Variants in UFSP2 observed in about 807,000 individuals in gnomAD.
UFSP2 encodes the protein ufm1-specific protease 2.
A neutral mutation model predicts 60.2 loss-of-function variants in UFSP2; 43 were observed. The observed-to-expected ratio is 0.71, with a 90% CI of 0.56 to 0.92. The LOEUF is 0.92. Among genes scored for constraint, UFSP2 ranks in the 40% least tolerant of loss-of-function variants. The pLI is 0.00. For missense variants in UFSP2, 520 were observed against 575.0 expected, an observed-to-expected ratio of 0.90 and a Z score of 0.98; for synonymous variants, 183 against 195.1, an observed-to-expected ratio of 0.94 and a Z score of 0.52.
intron 7 of UFSP2, among the ~76,000 whole-genome samples, chr4:185,409,604 T>G (rs891800801): frequency 6.6e-6 from 1 of 152,164 alleles, no homozygotes; most frequent in Admixed American, 6.5e-5. Flanking sequence ...ATAGAAAAAT[T>G]TATAACTTGA....
At position 185,400,479 on chromosome 4, in the gene UFSP2, C is replaced by A. The variant is rs990928885; in HGVS notation, c.1324-1G>T. ...CTGGGCCCTTCCATCCGCACCAGCC[C>A]TGGATAGAGAAGACGGGAAAGGAAA... is the stretch of plus-strand genomic sequence containing the variant. On this transcript the variant is annotated splice_acceptor_variant, in intron 11 of 11. Coordinates refer to ENST00000264689, the MANE Select transcript of UFSP2 (RefSeq NM_018359.5). LOFTEE classifies it high-confidence loss of function. 2.6e-5 allele frequency: 42 copies of A among 1,611,204 alleles called. No homozygotes were observed. Among genetic ancestry groups the A allele is most frequent in the Non-Finnish European group, 3.6e-5 (42 of 1,178,220 alleles).
intron 6 of UFSP2, among the ~76,000 whole-genome samples, chr4:185,414,684 T>C (rs1278621287): frequency 2.6e-5 from 4 of 152,236 alleles, no homozygotes; most frequent in African/African-American, 9.6e-5. Context: ...ATGCTGGTCA[T>C]GTTTTCTCCA....
At chr4:185,420,525 C>T (rs542761652) in intron 2 of UFSP2, among the ~76,000 whole-genome samples, 1 of 152,148 alleles carries the variant, frequency 6.6e-6, no homozygotes, top group African/African-American at 2.4e-5. Flanking sequence ...AAACAACGAC[C>T]ATACTGGTAT....
intron 4 of UFSP2, 132 bp downstream of exon 4, chr4:185,418,309 G>C (rs2095542945): frequency 1.5e-6 from 1 of 647,152 alleles, no homozygotes; most frequent in South Asian, 2.8e-5. Context: ...CTTTTGGCAA[G>C]TCATTTAATC....
chr4:185,403,028 T>C (rs1279914112), intron 11 of UFSP2, among the ~76,000 whole-genome samples: 2 of 152,234 alleles, frequency 1.3e-5, no homozygotes, highest in African/African-American at 2.4e-5. Context: ...CTTAAATATG[T>C]ATCAACTTCA....
At position 185,418,727 on chromosome 4, in the gene UFSP2, C is replaced by T; in HGVS notation, c.126G>A (p.Leu42=). The T allele has an allele frequency of 6.2e-7, 1 of 1,612,696 alleles. No homozygotes were observed. The highest frequency in any genetic ancestry group is 2.2e-5 in the East Asian group (1 of 44,838). ...KKALKHVLSD[L]STKLSSNALV... ...GGGCGTTTGAAGACAGCTTAGTTGA[C>T]AGGTCACTCAACACATGTTTCAGTG... The change falls in exon 3 of 12, where the codon CTG becomes CTA. Residue 42 remains leucine (L), a synonymous_variant. Coordinates refer to ENST00000264689, the MANE Select transcript of UFSP2 (RefSeq NM_018359.5).
chr4:185,417,398 A>G (rs541175150), intron 4 of UFSP2, among the ~76,000 whole-genome samples: 1 of 152,350 alleles, frequency 6.6e-6, no homozygotes, highest in South Asian at 2.1e-4. Context: ...GAGGTCTTAA[A>G]CATGGCCCAA....
intron 4 of UFSP2, among the ~76,000 whole-genome samples, chr4:185,416,600 CGT>C (rs79672861): frequency 0.051 from 7,805 of 152,070 alleles, 246 homozygotes; most frequent in South Asian, 0.088. Flanking sequence ...TAAAAATGAA[CGT>C]GTTATGTGTG....
chr4:185,401,531 G>A (rs1391277451), intron 11 of UFSP2, among the ~76,000 whole-genome samples: 1 of 152,136 alleles, frequency 6.6e-6, no homozygotes, highest in Non-Finnish European at 1.5e-5. Flanking sequence ...TAGTGCATAG[G>A]ACATGCTTCT....
Position 185,418,921 on chromosome 4 carries a change from A to C in UFSP2, c.83-151T>G, listed in dbSNP as rs1018830770. The stretch of plus-strand genomic sequence containing the variant: ...TTCAAAATTTTTTGCCTATCTTTTT[A>C]AAAAAGTCTGTGAGACAAAATTCAC... On this transcript the variant is annotated intron_variant, in intron 2 of 11. Transcript: ENST00000264689. 6.4e-6 allele frequency: 4 copies of C among 625,910 alleles called. No homozygotes were observed. The South Asian group carries it at 1.1e-4, about 18-fold the overall frequency. 38.8% of individuals were successfully genotyped at this position (625,910 alleles called of 1,614,324 possible). A position where few individuals can be genotyped will look rare whatever the true frequency, so the allele number is the denominator to read the frequency against.
At chr4:185,416,298 T>C (rs769502567) in intron 4 of UFSP2, among the ~76,000 whole-genome samples, 3 of 152,236 alleles carry the variant, frequency 2.0e-5, no homozygotes, top group Non-Finnish European at 4.4e-5. Context: ...TCTCCACTTT[T>C]GTACTGATTT....
Position 185,413,869 on chromosome 4 carries a change from ACTC to A in UFSP2, c.685_687del (p.Glu229del). On this transcript the variant is annotated inframe_deletion and splice_region_variant, in exon 7 of 12. Transcript: ENST00000264689. ...TGAGGCAGATTGAAAAGATCATGTA[ACTC>A]CTAAAATAAATCAGAATCAACAGAA... 6.3e-7 allele frequency: 1 copy of A among 1,598,048 alleles called. No homozygotes were observed. Among genetic ancestry groups the A allele is most frequent in the Middle Eastern group, 1.7e-4 (1 of 5,980 alleles).
Position 185,408,020 on chromosome 4 carries a change from C to G in UFSP2, c.1037G>C (p.Gly346Ala). 1 of 1,613,994 alleles carries G rather than the reference C, an allele frequency of 6.2e-7. No individual in the cohort carries two copies. Among genetic ancestry groups the G allele is most frequent in the Non-Finnish European group, 8.5e-7 (1 of 1,179,864 alleles). ...AATAGATCCAATCCATTGCCGCGAT[C>G]CGACAAATGTTGCTGGTTTGTCCCC... ...DAGDKPATFVGSRQWIGSIEV... is the reference protein window; with the variant it reads ...DAGDKPATFVASRQWIGSIEV... Residue 346 changes from glycine to alanine, a missense_variant, in exon 9 of 12, where the codon GGA becomes GCA. Coordinates refer to ENST00000264689, the MANE Select transcript of UFSP2 (RefSeq NM_018359.5).
At chr4:185,404,148 T>G (rs953677581) in intron 10 of UFSP2, among the ~76,000 whole-genome samples, 4 of 151,978 alleles carry the variant, frequency 2.6e-5, no homozygotes, top group African/African-American at 9.7e-5. Context: ...ATATTCTACA[T>G]TCACATCCAT....
At chr4:185,405,994 T>G (rs759669301) in intron 9 of UFSP2, 138 bp from the exon 10 acceptor site, 6 of 1,516,106 alleles carry the variant, frequency 4.0e-6, no homozygotes, top group Non-Finnish European at 3.5e-6. Context: ...AAATTAAGTG[T>G]TAGGGAACTG....
chr4:185,424,316 A>T (rs1472880533), intron 1 of UFSP2, among the ~76,000 whole-genome samples: 3 of 152,166 alleles, frequency 2.0e-5, no homozygotes, highest in Non-Finnish European at 4.4e-5. Flanking sequence ...CAAAAAACAA[A>T]ATAAAATAAA....
intron 9 of UFSP2, 150 bp from the exon 10 acceptor site, chr4:185,406,006 G>A (rs1270540627): frequency 4.7e-6 from 7 of 1,491,682 alleles, no homozygotes; most frequent in Non-Finnish European, 6.3e-6. Context: ...AGGGAACTGA[G>A]AGCAATTAAA....
At chr4:185,408,207 A>T (rs887513269) in intron 8 of UFSP2, 64 bp downstream of exon 8, 10 of 1,568,904 alleles carry the variant, frequency 6.4e-6, no homozygotes, top group Non-Finnish European at 8.7e-6. Flanking sequence ...AAAAATTATC[A>T]ATGGTATATT....
intron 1 of UFSP2, among the ~76,000 whole-genome samples, chr4:185,425,505 G>A (rs915004546): frequency 6.6e-6 from 1 of 152,202 alleles, no homozygotes; most frequent in Non-Finnish European, 1.5e-5. Flanking sequence ...AACCAGGGGA[G>A]GGAAATACCA....
Sources: allele counts gnomAD v4.1 joint callset (sites outside exome capture counted in the v4.1 genomes callset), GRCh38; gene constraint gnomAD v4.1.1; transcripts MANE v1.5; gene names NCBI Gene and HGNC (gene_info 2026-07-23, HGNC 2026-07-21).